Variants in DPP10 observed in about 807,000 individuals in gnomAD.
DPP10 encodes the protein dipeptidyl peptidase like 10.
Under a neutral mutation model 120.9 loss-of-function variants are expected in DPP10, and 33 were observed. The ratio of observed to expected loss-of-function variants is 0.27; its 90% CI spans 0.21 to 0.37. The LOEUF (loss-of-function observed/expected upper bound fraction) is 0.37. Among genes scored for constraint, DPP10 ranks in the 10% least tolerant of loss-of-function variants. The pLI, the probability that DPP10 is intolerant of heterozygous loss-of-function variation, is 1.00. For synonymous variants in DPP10, 337 were observed against 326.1 expected (o/e 1.03, Z -0.36); for missense variants, 816 against 942.8 (o/e 0.87, Z 1.76).
intron 1 of DPP10, among the ~76,000 whole-genome samples, chr2:114,787,580 T>C (rs951591586): frequency 2.0e-5 from 3 of 152,176 alleles, no homozygotes; most frequent in African/African-American, 7.2e-5. Flanking sequence ...GTCTTGCTGC[T>C]CTCTAAAGCA....
intron 1 of DPP10, among the ~76,000 whole-genome samples, chr2:114,831,681 A>T (rs895123681): frequency 4.6e-5 from 7 of 152,126 alleles, no homozygotes; most frequent in African/African-American, 1.7e-4. Context: ...CCTCATCAAA[A>T]GAAGAGATCA....
At chr2:115,203,693 C>A (rs575107137) in intron 1 of DPP10, among the ~76,000 whole-genome samples, 1 of 152,246 alleles carries the variant, frequency 6.6e-6, no homozygotes, top group East Asian at 1.9e-4. Flanking sequence ...GAAGTTGGCA[C>A]TTTGGCTTTG....
At chr2:115,633,092 A>C (rs1436670217) in intron 5 of DPP10, among the ~76,000 whole-genome samples, 1 of 152,214 alleles carries the variant, frequency 6.6e-6, no homozygotes, top group Non-Finnish European at 1.5e-5. Context: ...TATATATCCA[A>C]AGGATTATAA....
At chr2:114,989,424 G>T (rs939136631) in intron 1 of DPP10, among the ~76,000 whole-genome samples, 1 of 152,212 alleles carries the variant, frequency 6.6e-6, no homozygotes, top group Non-Finnish European at 1.5e-5. Context: ...GGGAAAAGGG[G>T]AACAGAGGTA....
At position 115,529,507 on chromosome 2, in the gene DPP10, A is replaced by G. The variant is rs536180656; in HGVS notation, c.441+3535A>G. Among the ~76,000 whole-genome samples the G allele has an allele frequency of 2.9e-4, 44 of 149,954 alleles. 2 individuals are homozygous for G. In the South Asian group the frequency reaches 8.4e-3, roughly 29 times the overall value. On this transcript the variant is annotated intron_variant, in intron 5 of 25. Transcript: ENST00000410059. The stretch of plus-strand genomic sequence containing the variant: ...AGTTTCAATTTATTTTATTAAGTGT[A>G]TGGATTATGCAAGATCATTGAAATC...
intron 1 of DPP10, among the ~76,000 whole-genome samples, chr2:114,937,372 T>G (rs1324897882): frequency 6.6e-6 from 1 of 152,032 alleles, no homozygotes; most frequent in Non-Finnish European, 1.5e-5. Flanking sequence ...TTTTGTTTGC[T>G]TTGTTGAAAA....
rs1246180843 is a variant in DPP10, at chr2:115,133,145, G to GTA, written c.61-176063_61-176062dup. On this transcript the variant is annotated intron_variant, in intron 1 of 25. Transcript: ENST00000410059. Reference sequence around the variant, plus strand: ...TGTGTGTGTGTGTGTGTGTGTGTGTGTATATATATATATATATATATATAT... The same window carrying GTA: ...TGTGTGTGTGTGTGTGTGTGTGTGTGTATATATATATATATATATATATATAT... Among the ~76,000 whole-genome samples the GTA allele has an allele frequency of 5.4e-3, 156 of 28,754 alleles. 3 individuals are homozygous for GTA. Among genetic ancestry groups the GTA allele is most frequent in the East Asian group, 0.016 (26 of 1,594 alleles). 18.9% of individuals were successfully genotyped at this position (28,754 alleles called of 152,430 possible). A position where few individuals can be genotyped will look rare whatever the true frequency, so the allele number is the denominator to read the frequency against.
chr2:114,726,395 C>G (rs549635580), intron 1 of DPP10, among the ~76,000 whole-genome samples: 1 of 152,296 alleles, frequency 6.6e-6, no homozygotes, highest in East Asian at 1.9e-4. Context: ...ACCTCCTTAA[C>G]TTGTCATAAA....
intron 5 of DPP10, among the ~76,000 whole-genome samples, chr2:115,590,267 GTT>G (rs2082562719): frequency 6.6e-6 from 1 of 151,460 alleles, no homozygotes; most frequent in African/African-American, 2.4e-5. Flanking sequence ...TGCCGCACCT[GTT>G]ACCTCGTCAT....
chr2:115,179,042 C>A (rs1403557781), intron 1 of DPP10, among the ~76,000 whole-genome samples: 1 of 152,128 alleles, frequency 6.6e-6, no homozygotes. Flanking sequence ...AGAAAAGCTT[C>A]CTCCTTATCC....
intron 1 of DPP10, among the ~76,000 whole-genome samples, chr2:115,166,376 T>C (rs2052847307): frequency 6.6e-6 from 1 of 150,940 alleles, no homozygotes; most frequent in Non-Finnish European, 1.5e-5. Context: ...AGTAGAGTTC[T>C]ATATAATTTG....
chr2:114,925,612 A>G (rs139910010), intron 1 of DPP10, among the ~76,000 whole-genome samples: 1 of 152,312 alleles, frequency 6.6e-6, no homozygotes, highest in Non-Finnish European at 1.5e-5. Flanking sequence ...AGCATCCAAC[A>G]TGCAACATTT....
intron 15 of DPP10, 124 bp downstream of exon 15, chr2:115,777,958 C>G: frequency 1.1e-6 from 1 of 877,200 alleles, no homozygotes; most frequent in Non-Finnish European, 1.8e-6. Flanking sequence ...GCCAACTTTG[C>G]TGACAAAGCT....
intron 3 of DPP10, among the ~76,000 whole-genome samples, chr2:115,386,442 C>G (rs1198696851): frequency 6.6e-6 from 1 of 152,080 alleles, no homozygotes; most frequent in East Asian, 1.9e-4. Context: ...AGAACCTAAG[C>G]TTATAAAGCA....
chr2:114,983,351 G>A (rs1275310974), intron 1 of DPP10, among the ~76,000 whole-genome samples: 1 of 152,086 alleles, frequency 6.6e-6, no homozygotes, highest in Non-Finnish European at 1.5e-5. Context: ...TCTTGCTTCT[G>A]TATTAACTTA....
intron 1 of DPP10, among the ~76,000 whole-genome samples, chr2:114,584,865 C>T (rs1453301121): frequency 1.3e-5 from 2 of 152,046 alleles, no homozygotes; most frequent in Non-Finnish European, 2.9e-5. Flanking sequence ...TTAGCACCAC[C>T]ATGAAGACTT....
At chr2:115,382,658 G>A (rs1233103078) in intron 3 of DPP10, among the ~76,000 whole-genome samples, 2 of 152,104 alleles carry the variant, frequency 1.3e-5, no homozygotes, top group African/African-American at 2.4e-5. Flanking sequence ...TGAAGGAGAG[G>A]TATGAGGTAA....
intron 3 of DPP10, among the ~76,000 whole-genome samples, chr2:115,421,786 G>A (rs544942770): frequency 4.2e-5 from 6 of 142,830 alleles, no homozygotes; most frequent in African/African-American, 1.3e-4. Context: ...CAGGAGAATC[G>A]CTTGAACCCG....
chr2:115,487,262 A>G, intron 3 of DPP10, among the ~76,000 whole-genome samples: 1 of 134,572 alleles, frequency 7.4e-6, no homozygotes, highest in Non-Finnish European at 1.6e-5. Context: ...TTCCATGCTC[A>G]TGGGTAGGAA....
Sources: gnomAD v4.1 joint callset for allele counts (sites outside exome capture counted in the v4.1 genomes callset) on GRCh38, gnomAD v4.1.1 for gene constraint, MANE v1.5 for transcripts, NCBI Gene and HGNC (gene_info 2026-07-23, HGNC 2026-07-21) for gene names.